Variants in CTNNA3 observed in about 807,000 individuals in gnomAD.
CTNNA3 encodes catenin alpha-3.
A neutral mutation model predicts 95.7 loss-of-function variants in CTNNA3; 76 were observed. That is an observed-to-expected ratio of 0.79 (90% CI 0.66 to 0.96). The LOEUF is 0.96. Among genes scored for constraint, CTNNA3 ranks in the 40% least tolerant of loss-of-function variants. The pLI is 0.00. For missense variants in CTNNA3, 1,191 were observed against 1,089.8 expected (o/e 1.09, Z -1.31); for synonymous variants, 431 against 374.4 (o/e 1.15, Z -1.74).
At chr10:66,214,489 TGCCTGG>T (rs1250018308) in intron 13 of CTNNA3, among the ~76,000 whole-genome samples, 1 of 152,166 alleles carries the variant, frequency 6.6e-6, no homozygotes, top group Non-Finnish European at 1.5e-5. Context: ...ATAGATAGGC[TGCCTGG>T]ACAATTCAAG....
chr10:66,597,537 TATATATATATATATATA>T (rs1843757784), intron 10 of CTNNA3, among the ~76,000 whole-genome samples: 1 of 136,912 alleles, frequency 7.3e-6, no homozygotes, highest in African/African-American at 2.6e-5. Flanking sequence ...TATATATATA[TATATATATATATATATA>T]TTTATTAAAA....
intron 7 of CTNNA3, among the ~76,000 whole-genome samples, chr10:66,782,789 T>A (rs986031394): frequency 6.6e-6 from 1 of 152,162 alleles, no homozygotes; most frequent in African/African-American, 2.4e-5. Flanking sequence ...ATCTATCCTA[T>A]TAGTTATTAA....
intron 5 of CTNNA3, among the ~76,000 whole-genome samples, chr10:67,389,726 A>C (rs548723736): frequency 6.6e-6 from 1 of 151,038 alleles, no homozygotes; most frequent in South Asian, 2.1e-4. Flanking sequence ...ACCACAGTGC[A>C]ATCAAACTAG....
At chr10:67,364,950 C>A in intron 5 of CTNNA3, among the ~76,000 whole-genome samples, 1 of 152,096 alleles carries the variant, frequency 6.6e-6, no homozygotes. Context: ...AAGTTGGAGG[C>A]ATCACACTAC....
At chr10:66,428,067 GC>G (rs2093258908) in intron 11 of CTNNA3, among the ~76,000 whole-genome samples, 1 of 151,906 alleles carries the variant, frequency 6.6e-6, no homozygotes, top group Admixed American at 6.6e-5. Context: ...GATCTATCAA[GC>G]AAATGGAGAA....
chr10:66,772,088 A>T (rs1042935725), intron 8 of CTNNA3, among the ~76,000 whole-genome samples: 7 of 152,076 alleles, frequency 4.6e-5, no homozygotes, highest in African/African-American at 1.7e-4. Flanking sequence ...GCGGGAGGTG[A>T]TGCAAATTCT....
chr10:67,148,552 G>T (rs1485678914), intron 7 of CTNNA3, among the ~76,000 whole-genome samples: 2 of 152,168 alleles, frequency 1.3e-5, no homozygotes, highest in Non-Finnish European at 2.9e-5. Flanking sequence ...GAAAATGCAG[G>T]CTTGTCCTTA....
At chr10:66,276,133 C>T (rs10997031) in intron 13 of CTNNA3, among the ~76,000 whole-genome samples, 7,178 of 152,132 alleles carry the variant, frequency 0.047, 308 homozygotes, top group African/African-American at 0.11. Context: ...GTCAGATATG[C>T]AAAATATGTT....
At chr10:66,850,382 T>C (rs531161145) in intron 7 of CTNNA3, among the ~76,000 whole-genome samples, 5 of 152,302 alleles carry the variant, frequency 3.3e-5, no homozygotes, top group African/African-American at 9.6e-5. Context: ...ACGTATAGAA[T>C]TAACAGCTTT....
At chr10:67,402,479 G>A (rs1174619237) in intron 5 of CTNNA3, among the ~76,000 whole-genome samples, 1 of 152,220 alleles carries the variant, frequency 6.6e-6, no homozygotes, top group Admixed American at 6.5e-5. Context: ...CACTCATAAA[G>A]AGGAAGAAAA....
chr10:66,928,234 G>A (rs1847185156), intron 7 of CTNNA3: 1 of 1,614,032 alleles, frequency 6.2e-7, no homozygotes, highest in African/African-American at 1.3e-5. Context: ...GGTTATCTAC[G>A]TGTCATGGAA....
At chr10:66,612,333 C>T (rs1024819183) in intron 10 of CTNNA3, among the ~76,000 whole-genome samples, 8 of 152,200 alleles carry the variant, frequency 5.3e-5, no homozygotes, top group Non-Finnish European at 8.8e-5. Context: ...ATCAATCTTC[C>T]GAAAGCACAG....
chr10:66,730,036 G>A (rs1848908475), intron 9 of CTNNA3, among the ~76,000 whole-genome samples: 1 of 151,178 alleles, frequency 6.6e-6, no homozygotes, highest in Non-Finnish European at 1.5e-5. Context: ...AACCCAGGAG[G>A]CAGAGCTTGC....
chr10:66,610,709 A>G (rs1291443844), intron 10 of CTNNA3, among the ~76,000 whole-genome samples: 1 of 152,064 alleles, frequency 6.6e-6, no homozygotes, highest in African/African-American at 2.4e-5. Flanking sequence ...AATATGGAAA[A>G]CTGTATGGAG....
chr10:67,570,501 A>C (rs1227981347), intron 3 of CTNNA3, among the ~76,000 whole-genome samples: 1 of 152,122 alleles, frequency 6.6e-6, no homozygotes, highest in Non-Finnish European at 1.5e-5. Context: ...ACTCTTGGGA[A>C]TGTTTGATGT....
At chr10:66,733,117 T>C (rs988206472) in intron 9 of CTNNA3, among the ~76,000 whole-genome samples, 1 of 152,150 alleles carries the variant, frequency 6.6e-6, no homozygotes, top group Non-Finnish European at 1.5e-5. Flanking sequence ...TTTTAAAATA[T>C]ATTCTCCTTT....
At chr10:66,693,775 T>C (rs1214889040) in intron 9 of CTNNA3, among the ~76,000 whole-genome samples, 1 of 152,054 alleles carries the variant, frequency 6.6e-6, no homozygotes, top group Non-Finnish European at 1.5e-5. Flanking sequence ...CAGACCACAG[T>C]GCAATCAAAC....
chr10:67,026,777 T>A (rs528648674), intron 7 of CTNNA3, among the ~76,000 whole-genome samples: 53 of 152,322 alleles, frequency 3.5e-4, no homozygotes, highest in African/African-American at 1.3e-3. Flanking sequence ...TTGATTGACA[T>A]AAGGAGAGAT....
At chr10:67,256,860 T>C (rs1183058235) in intron 5 of CTNNA3, among the ~76,000 whole-genome samples, 4 of 152,166 alleles carry the variant, frequency 2.6e-5, no homozygotes, top group African/African-American at 9.6e-5. Flanking sequence ...GTGGTACTTT[T>C]TTTAGTGAAA....
Sources: allele counts gnomAD v4.1 joint callset (sites outside exome capture counted in the v4.1 genomes callset), GRCh38; gene constraint gnomAD v4.1.1; transcripts MANE v1.5; gene names NCBI Gene and HGNC (gene_info 2026-07-23, HGNC 2026-07-21).